APP: variants seen among roughly 807,000 people sequenced by gnomAD.
The protein encoded by APP is amyloid beta precursor protein, also known as amyloid-beta precursor protein.
Under a neutral mutation model 101.4 loss-of-function variants are expected in APP, and 31 were observed. The observed-to-expected ratio is 0.31, with a 90% CI of 0.23 to 0.41. APP has a LOEUF of 0.41. APP is among the 10% of genes least tolerant of loss of function. APP has a pLI of 1.00. For synonymous variants in APP, 366 were observed against 364.4 expected, an observed-to-expected ratio of 1.00 and a Z score of -0.05; for missense variants, 839 against 1,003.7, an observed-to-expected ratio of 0.84 and a Z score of 2.22.
At chr21:25,901,394 G>A (rs1601339124) in intron 15 of APP, among the ~76,000 whole-genome samples, 2 of 85,784 alleles carry the variant, frequency 2.3e-5, no homozygotes, top group African/African-American at 6.0e-5. Context: ...TACTTTTGGT[G>A]GTCCAAAAAA....
intron 11 of APP, among the ~76,000 whole-genome samples, chr21:25,971,457 T>A (rs1019384168): frequency 6.6e-6 from 1 of 152,206 alleles, no homozygotes; most frequent in Non-Finnish European, 1.5e-5. Context: ...AATTTCCAGG[T>A]CATGGTTTCA....
intron 5 of APP, among the ~76,000 whole-genome samples, chr21:26,040,252 G>C (rs906551930): frequency 7.9e-5 from 12 of 152,130 alleles, no homozygotes; most frequent in African/African-American, 2.9e-4. Flanking sequence ...TCAGATTTTG[G>C]ATTAGGGATG....
chr21:26,170,331 A>T (rs2063717592), intron 1 of APP, among the ~76,000 whole-genome samples: 1 of 152,028 alleles, frequency 6.6e-6, no homozygotes. Flanking sequence ...GCGCGGAACC[A>T]GGGAGACCAG....
intron 2 of APP, among the ~76,000 whole-genome samples, chr21:26,096,544 G>A (rs62222439): frequency 6.6e-6 from 1 of 152,220 alleles, no homozygotes; most frequent in Non-Finnish European, 1.5e-5. Flanking sequence ...GGGCTTTCAC[G>A]AACACACAAA....
At chr21:26,050,187 C>T (rs950440538) in intron 5 of APP, among the ~76,000 whole-genome samples, 2 of 152,086 alleles carry the variant, frequency 1.3e-5, no homozygotes, top group African/African-American at 4.8e-5. Flanking sequence ...CGATTATAAA[C>T]TTACAACTCC....
At chr21:26,006,655 G>A (rs913316949) in intron 6 of APP, among the ~76,000 whole-genome samples, 4 of 152,178 alleles carry the variant, frequency 2.6e-5, no homozygotes, top group African/African-American at 9.7e-5. Flanking sequence ...TCAAATTGGA[G>A]TGAAATTCTT....
intron 3 of APP, among the ~76,000 whole-genome samples, chr21:26,073,226 G>C (rs139028086): frequency 2.0e-5 from 3 of 152,250 alleles, no homozygotes; most frequent in African/African-American, 4.8e-5. Flanking sequence ...TAAATATTTT[G>C]CAATATTTGG....
At chr21:26,128,211 G>A (rs1462142295) in intron 1 of APP, among the ~76,000 whole-genome samples, 1 of 152,090 alleles carries the variant, frequency 6.6e-6, no homozygotes, top group Non-Finnish European at 1.5e-5. Flanking sequence ...CGCTCAGTGT[G>A]GCAGATCTGA....
chr21:25,954,741 G>A, intron 12 of APP, 52 bp from the exon 13 acceptor site: 1 of 1,461,184 alleles, frequency 6.8e-7, no homozygotes, highest in Non-Finnish European at 9.6e-7. Context: ...GGTAGGAATG[G>A]TTCTTTTTCT....
chr21:25,939,429 T>C (rs1444179848), intron 13 of APP, among the ~76,000 whole-genome samples: 1 of 152,262 alleles, frequency 6.6e-6, no homozygotes, highest in African/African-American at 2.4e-5. Flanking sequence ...CACTTAATTT[T>C]TCATCCTATA....
At chr21:26,038,926 C>T (rs1448277201) in intron 5 of APP, among the ~76,000 whole-genome samples, 1 of 152,106 alleles carries the variant, frequency 6.6e-6, no homozygotes, top group African/African-American at 2.4e-5. Flanking sequence ...CAATTTTCCC[C>T]ATGTTTGAGG....
chr21:26,035,622 G>A (rs2045070186), intron 5 of APP, among the ~76,000 whole-genome samples: 1 of 152,158 alleles, frequency 6.6e-6, no homozygotes, highest in African/African-American at 2.4e-5. Flanking sequence ...TGGTTTTTAA[G>A]CGTATTGGTA....
intron 1 of APP, among the ~76,000 whole-genome samples, chr21:26,135,569 A>G (rs79531894): frequency 0.051 from 7,808 of 152,200 alleles, 317 homozygotes; most frequent in South Asian, 0.096. Flanking sequence ...GACAAATGCA[A>G]ATTATATACA....
At chr21:26,053,555 AAAT>A in intron 3 of APP, 1 of 485,194 alleles carries the variant, frequency 2.1e-6, no homozygotes, top group Non-Finnish European at 3.8e-6. Context: ...TTGATGGTTA[AAAT>A]AATGCCTAAA....
chr21:26,064,745 C>G (rs1384902592), intron 3 of APP, among the ~76,000 whole-genome samples: 1 of 152,198 alleles, frequency 6.6e-6, no homozygotes, highest in Non-Finnish European at 1.5e-5. Context: ...CGGCGAGGCC[C>G]ATGTTCCACA....
At chr21:25,939,484 C>T (rs982186318) in intron 13 of APP, among the ~76,000 whole-genome samples, 3 of 152,168 alleles carry the variant, frequency 2.0e-5, no homozygotes, top group Non-Finnish European at 4.4e-5. Context: ...AGGCTTCTCC[C>T]TTAAGATAGA....
Position 26,090,080 on chromosome 21 carries a change from A to G in APP, c.226-8T>C, listed in dbSNP as rs1172073288. ...CTGCAGTTCAGGGTAGACCTGGGAG[A>G]GCACACAAAAAGAATCAATTGTTAC... On this transcript the variant is annotated splice_polypyrimidine_tract_variant and splice_region_variant and intron_variant, in intron 2 of 17. Transcript: ENST00000346798. 1.2e-6 allele frequency: 2 copies of G among 1,613,972 alleles called. No individual in the cohort carries two copies. The highest frequency in any genetic ancestry group is 1.7e-6 in the Non-Finnish European group (2 of 1,179,918).
intron 3 of APP, among the ~76,000 whole-genome samples, chr21:26,064,991 C>T (rs2046403517): frequency 6.6e-6 from 1 of 152,164 alleles, no homozygotes; most frequent in South Asian, 2.1e-4. Context: ...GTAGCTGGGA[C>T]TACAGGCCTG....
chr21:25,936,925 G>A (rs898663518), intron 13 of APP, among the ~76,000 whole-genome samples: 2 of 152,026 alleles, frequency 1.3e-5, no homozygotes, highest in African/African-American at 4.8e-5. Flanking sequence ...GAGTAACAAG[G>A]GGCTCACCAG....
Sources: allele counts gnomAD v4.1 joint callset (sites outside exome capture counted in the v4.1 genomes callset), GRCh38; gene constraint gnomAD v4.1.1; transcripts MANE v1.5; gene names NCBI Gene and HGNC (gene_info 2026-07-23, HGNC 2026-07-21).